CAMTA1: variants seen among roughly 807,000 people sequenced by gnomAD.
CAMTA1 encodes the protein calmodulin-binding transcription activator 1.
In CAMTA1, 27 loss-of-function variants were observed where a neutral mutation model predicts 170.9. The observed-to-expected ratio is 0.16, with a 90% CI of 0.12 to 0.22. The LOEUF (loss-of-function observed/expected upper bound fraction) is 0.22, where lower values mean the gene tolerates loss of function less well. Ranked by LOEUF, CAMTA1 falls within the 10% of genes least tolerant of loss-of-function variation. The pLI is 1.00. For missense variants in CAMTA1, 1,619 were observed against 2,217.2 expected, an observed-to-expected ratio of 0.73 and a Z score of 5.42; for synonymous variants, 833 against 891.5, an observed-to-expected ratio of 0.93 and a Z score of 1.17.
intron 1 of CAMTA1, among the ~76,000 whole-genome samples, chr1:6,815,513 A>G (rs903828216): frequency 6.6e-6 from 1 of 152,160 alleles, no homozygotes; most frequent in South Asian, 2.1e-4. Context: ...CTTCTTGGGT[A>G]CTTCCAGCAG....
chr1:7,695,900 T>C (rs1327390540), intron 11 of CAMTA1, among the ~76,000 whole-genome samples: 1 of 152,204 alleles, frequency 6.6e-6, no homozygotes, highest in African/African-American at 2.4e-5. Flanking sequence ...AAAATGCACT[T>C]GCACAGAATT....
intron 3 of CAMTA1, among the ~76,000 whole-genome samples, chr1:6,848,365 C>G (rs1659114342): frequency 6.6e-6 from 1 of 152,158 alleles, no homozygotes; most frequent in African/African-American, 2.4e-5. Flanking sequence ...ATTTCCCCGG[C>G]CTTGAACTCC....
chr1:7,306,904 G>A (rs1416434680), intron 5 of CAMTA1, among the ~76,000 whole-genome samples: 1 of 151,794 alleles, frequency 6.6e-6, no homozygotes, highest in African/African-American at 2.4e-5. Context: ...TATTTATATA[G>A]CATCTACATT....
At chr1:7,233,086 C>A (rs1663146353) in intron 4 of CAMTA1, among the ~76,000 whole-genome samples, 1 of 152,072 alleles carries the variant, frequency 6.6e-6, no homozygotes, top group Non-Finnish European at 1.5e-5. Context: ...ATGTGAGAAG[C>A]TTGCCTTGAA....
chr1:7,604,568 G>A (rs1239279112), intron 6 of CAMTA1, among the ~76,000 whole-genome samples: 1 of 152,110 alleles, frequency 6.6e-6, no homozygotes, highest in African/African-American at 2.4e-5. Context: ...GGTTATTCTA[G>A]CTAGCCATTC....
At chr1:7,581,282 G>A (rs919755091) in intron 6 of CAMTA1, among the ~76,000 whole-genome samples, 3 of 152,320 alleles carry the variant, frequency 2.0e-5, no homozygotes, top group Middle Eastern at 3.4e-3. Flanking sequence ...GGCTGCCTCC[G>A]AAGGGCCTGC....
At chr1:7,597,763 C>T (rs915203802) in intron 6 of CAMTA1, among the ~76,000 whole-genome samples, 1 of 152,056 alleles carries the variant, frequency 6.6e-6, no homozygotes, top group East Asian at 1.9e-4. Flanking sequence ...GATTGAGGCC[C>T]ACTGACATTA....
chr1:6,897,156 G>A (rs899838793), intron 3 of CAMTA1, among the ~76,000 whole-genome samples: 2 of 152,220 alleles, frequency 1.3e-5, no homozygotes, highest in African/African-American at 4.8e-5. Flanking sequence ...GTAGAGAACA[G>A]GTTCAGGTAG....
intron 4 of CAMTA1, among the ~76,000 whole-genome samples, chr1:7,205,780 T>A (rs1290370387): frequency 6.6e-6 from 1 of 152,224 alleles, no homozygotes; most frequent in East Asian, 1.9e-4. Flanking sequence ...TAAGAAAACC[T>A]CTTCCTACAT....
chr1:7,643,319 A>G (rs1306507148), intron 7 of CAMTA1, among the ~76,000 whole-genome samples: 1 of 152,168 alleles, frequency 6.6e-6, no homozygotes, highest in Non-Finnish European at 1.5e-5. Context: ...AGCAGCCCCA[A>G]TCCCCTGGGC....
intron 3 of CAMTA1, among the ~76,000 whole-genome samples, chr1:6,955,207 C>T (rs1348668552): frequency 6.6e-6 from 1 of 152,006 alleles, no homozygotes; most frequent in Non-Finnish European, 1.5e-5. Flanking sequence ...TGCCAAGAGG[C>T]CCACAGGACC....
At chr1:7,104,252 CAT>C (rs75053646) in intron 4 of CAMTA1, among the ~76,000 whole-genome samples, 66,739 of 146,748 alleles carry the variant, frequency 0.45, 15,771 homozygotes, top group African/African-American at 0.64. Context: ...ACACAACACA[CAT>C]ACACACAACT....
chr1:7,642,963 GAAGCTGCCATGGCTGA>G lies in CAMTA1; in HGVS notation c.664+2411_664+2426del. On this transcript the variant is annotated intron_variant, in intron 7 of 22. Coordinates refer to ENST00000303635, the MANE Select transcript of CAMTA1 (RefSeq NM_015215.4). This position sits in a 1 kb window ranked among gnomAD's most constrained non-coding sequence, Gnocchi z 6.3. ...CCAGAGGGCTCAGCTTGGTCCTGCA[GAAGCTGCCATGGCTGA>G]GTGCACTCCAGGCCTGCAGGAAGTA... Among the ~76,000 whole-genome samples, 1 of 149,924 alleles carries G rather than the reference GAAGCTGCCATGGCTGA, an allele frequency of 6.7e-6. No individual in the cohort carries two copies. The highest frequency in any genetic ancestry group is 2.5e-5 in the African/African-American group (1 of 39,358).
At chr1:7,607,172 G>C (rs1041534899) in intron 6 of CAMTA1, among the ~76,000 whole-genome samples, 2 of 151,610 alleles carry the variant, frequency 1.3e-5, no homozygotes, top group African/African-American at 4.9e-5. Context: ...TGGGTGGTTG[G>C]ATGGAATGAT....
At chr1:7,419,065 C>A (rs1279403903) in intron 5 of CAMTA1, among the ~76,000 whole-genome samples, 1 of 152,244 alleles carries the variant, frequency 6.6e-6, no homozygotes, top group Non-Finnish European at 1.5e-5. Flanking sequence ...CTCCACCTTC[C>A]ATCCCATGTT....
chr1:7,415,716 T>C (rs1358864607), intron 5 of CAMTA1, among the ~76,000 whole-genome samples: 1 of 152,248 alleles, frequency 6.6e-6, no homozygotes, highest in Non-Finnish European at 1.5e-5. Context: ...TTTATCCAAT[T>C]TGCCAGTCTG....
At chr1:7,524,859 G>A (rs988945181) in intron 6 of CAMTA1, among the ~76,000 whole-genome samples, 2 of 151,974 alleles carry the variant, frequency 1.3e-5, no homozygotes, top group African/African-American at 2.4e-5. Context: ...CTACCCCACC[G>A]ATCCCTCTCC....
At chr1:7,377,375 C>T (rs1480703099) in intron 5 of CAMTA1, among the ~76,000 whole-genome samples, 2 of 152,250 alleles carry the variant, frequency 1.3e-5, no homozygotes, top group African/African-American at 4.8e-5. Context: ...TCCTGCGATT[C>T]TTTCAATGCC....
chr1:7,475,262 C>T (rs1004666455), intron 6 of CAMTA1, among the ~76,000 whole-genome samples: 1 of 152,212 alleles, frequency 6.6e-6, no homozygotes, highest in African/African-American at 2.4e-5. Flanking sequence ...CCTGACGGCA[C>T]TGGCTCTGTA....
Sources: gnomAD v4.1 joint callset for allele counts (sites outside exome capture counted in the v4.1 genomes callset) on GRCh38, gnomAD v4.1.1 for gene constraint, Gnocchi (gnomAD v3.1) non-coding constraint, MANE v1.5 for transcripts, NCBI Gene and HGNC (gene_info 2026-07-23, HGNC 2026-07-21) for gene names.